Variants in ARL10 observed in about 807,000 individuals in gnomAD.
ARL10 encodes the protein ARF like GTPase 10, also known as ADP-ribosylation factor-like protein 10.
Under a neutral mutation model 26.1 loss-of-function variants are expected in ARL10, and 23 were observed. The ratio of observed to expected loss-of-function variants is 0.88; its 90% CI spans 0.63 to 1.25. The LOEUF (loss-of-function observed/expected upper bound fraction) is 1.25. Ranked by LOEUF, ARL10 falls within the 50% of genes most tolerant of loss-of-function variation. ARL10 has a pLI of 0.00. For missense variants in ARL10, 300 were observed against 323.6 expected (o/e 0.93, Z 0.56); for synonymous variants, 138 against 149.1 (o/e 0.93, Z 0.54).
At chr5:176,366,842 C>T (rs1164957313) in intron 2 of ARL10, among the ~76,000 whole-genome samples, 2 of 152,070 alleles carry the variant, frequency 1.3e-5, no homozygotes, top group Non-Finnish European at 2.9e-5. Context: ...GAGATACTAA[C>T]AGCTAAGGGT....
At chr5:176,382,374 G>A (rs1282764213), downstream of ARL10, among the ~76,000 whole-genome samples, 1 of 152,192 alleles carries the variant, frequency 6.6e-6, no homozygotes. Flanking sequence ...GGAACAGAGT[G>A]AAATGTTTGG....
the ARL10 span, among the ~76,000 whole-genome samples, chr5:176,414,235 G>A: frequency 6.6e-6 from 1 of 152,184 alleles, no homozygotes; most frequent in Non-Finnish European, 1.5e-5. Context: ...TCACAGAGGT[G>A]TGGTCCAGTG....
chr5:176,377,386 CCT>C lies in ARL10; in HGVS notation c.*5494_*5495del, dbSNP rs1358528051. ...CATAGTTTGTCCAATAAAATGAGTT[CCT>C]CTGTCACTGGAGATTTTTCCAGAGA... On this transcript the variant is annotated 3_prime_UTR_variant, in exon 4 of 4. Transcript: ENST00000310389. The surrounding 1 kb of genome is among the most constrained non-coding windows in gnomAD (Gnocchi z 4.5). 2.0e-5 allele frequency: 3 copies of C among 152,298 alleles called. No homozygotes were observed. In the East Asian group the frequency reaches 5.8e-4, roughly 29 times the overall value. The allele number at this position is 152,298 out of a possible 1,614,324, so 9.4% of individuals were successfully genotyped here.
chr5:176,383,803 G>A (rs1231675940), downstream of ARL10: 3 of 622,862 alleles, frequency 4.8e-6, no homozygotes, highest in Non-Finnish European at 5.5e-6. Flanking sequence ...TCGGGATGAG[G>A]CCAGAGGCCG....
downstream of ARL10, chr5:176,386,668 A>G (rs750599831): frequency 1.4e-5 from 10 of 710,824 alleles, no homozygotes; most frequent in African/African-American, 1.7e-5. Flanking sequence ...AGTCAGTACA[A>G]TGAAAAATGA....
At chr5:176,410,732 A>G in the ARL10 span, among the ~76,000 whole-genome samples, 1 of 152,112 alleles carries the variant, frequency 6.6e-6, no homozygotes. Flanking sequence ...CAGGGGCTAC[A>G]CTGGATAAGG....
At chr5:176,403,804 G>C (rs558307762), downstream of ARL10, among the ~76,000 whole-genome samples, 3 of 152,174 alleles carry the variant, frequency 2.0e-5, no homozygotes, top group Admixed American at 1.3e-4. Flanking sequence ...CTGTTGTCCA[G>C]GCTGGAGTAC....
rs1678036694 is a variant in ARL10 at position 176,377,022 on chromosome 5, A to G, written c.*5127A>G. 6.6e-6 allele frequency: 1 copy of G among 152,200 alleles called. No individual in the cohort carries two copies. The highest frequency in any genetic ancestry group is 2.4e-5 in the African/African-American group (1 of 41,438). 9.4% of individuals were successfully genotyped at this position (152,200 alleles called of 1,614,324 possible). A position where few individuals can be genotyped will look rare whatever the true frequency, so the allele number is the denominator to read the frequency against. On this transcript the variant is annotated 3_prime_UTR_variant, in exon 4 of 4. Coordinates refer to ENST00000310389, the MANE Select transcript of ARL10 (RefSeq NM_173664.6). The surrounding 1 kb of genome is among the most constrained non-coding windows in gnomAD (Gnocchi z 4.5). ...ACATAATGCATTACAGCTTTGTAGT[A>G]TTTAGTGGCATCAGCATTTAGGAGA...
chr5:176,387,082 TTTTTTTTC>T, intron 1 of ARL10: 1 of 586,444 alleles, frequency 1.7e-6, no homozygotes, highest in Non-Finnish European at 3.0e-6. Flanking sequence ...CTCTCTCTTT[TTTTTTTTC>T]TTTTTCTTTT....
downstream of ARL10, among the ~76,000 whole-genome samples, chr5:176,390,872 G>A (rs1459016782): frequency 6.6e-6 from 1 of 152,204 alleles, no homozygotes; most frequent in Non-Finnish European, 1.5e-5. Context: ...TGAGGGTTCT[G>A]GAAGAGGAGG....
chr5:176,404,558 T>C (rs930301080), downstream of ARL10, among the ~76,000 whole-genome samples: 3 of 152,200 alleles, frequency 2.0e-5, no homozygotes, highest in African/African-American at 7.2e-5. Context: ...CGCTGCAGCC[T>C]GCAGTCTGGG....
At chr5:176,410,206 T>C in the ARL10 span, 3 of 1,530,490 alleles carry the variant, frequency 2.0e-6, no homozygotes, top group African/African-American at 1.4e-5. Context: ...TTTAGGTTAC[T>C]GAGACCAGGG....
At chr5:176,385,749 G>A (rs541584430), downstream of ARL10, among the ~76,000 whole-genome samples, 18 of 152,270 alleles carry the variant, frequency 1.2e-4, no homozygotes, top group African/African-American at 3.6e-4. Flanking sequence ...GAAATGGGAC[G>A]GTCTAAATAC....
At chr5:176,371,689 C>A in intron 3 of ARL10, 33 bp from the exon 4 acceptor site, 1 of 1,595,748 alleles carries the variant, frequency 6.3e-7, no homozygotes, top group Non-Finnish European at 8.6e-7. Flanking sequence ...GGAAATGCTG[C>A]CAGCTGTGTT....
chr5:176,394,913 C>T (rs768570821), intron 1 of ARL10, among the ~76,000 whole-genome samples: 3 of 152,118 alleles, frequency 2.0e-5, no homozygotes, highest in Admixed American at 6.5e-5. Flanking sequence ...ACAGAAGCAT[C>T]GAGCCCCCTG....
chr5:176,388,638 G>A (rs975946608), exon 2 of ARL10: 12 of 1,358,638 alleles, frequency 8.8e-6, no homozygotes, highest in South Asian at 2.6e-5. Flanking sequence ...GGCTTTGCGG[G>A]CATTTGGGGA....
Position 176,368,885 on chromosome 5 carries a change from C to G in ARL10, c.464C>G (p.Ser155Trp), listed in dbSNP as rs770045755. The change falls in exon 3 of 4, where the codon TCG becomes TGG. Residue 155 changes from serine (S) to tryptophan (W), a missense_variant. Ser to Trp is a radical substitution (Grantham distance 177). Coordinates refer to ENST00000310389, the MANE Select transcript of ARL10 (RefSeq NM_173664.6). This position sits in a 1 kb window ranked among gnomAD's most constrained non-coding sequence, Gnocchi z 4.1. ...EVDVLVFVVD[S>W]ADRLRLPWAR... ...GATGTGCTGGTGTTTGTGGTGGACT[C>G]GGCTGACCGACTGCGGCTGCCCTGG... 1 of 1,614,184 alleles carries G rather than the reference C, an allele frequency of 6.2e-7. No individual in the cohort carries two copies. Among genetic ancestry groups the G allele is most frequent in the Non-Finnish European group, 8.5e-7 (1 of 1,180,024 alleles).
chr5:176,408,008 G>C, the ARL10 span, among the ~76,000 whole-genome samples: 4 of 152,210 alleles, frequency 2.6e-5, no homozygotes, highest in African/African-American at 9.6e-5. Context: ...CAGGATCAAG[G>C]CTCTTTGGCC....
rs553238360 is a variant in ARL10, at chr5:176,373,038, G to A, written c.*1143G>A. ...TACATGGATTCACATGAACTGAAAC[G>A]CCACCACTTGGCCCAGGATGTTGAA... On this transcript the variant is annotated 3_prime_UTR_variant, in exon 4 of 4. Transcript: ENST00000310389. The A allele has an allele frequency of 1.0e-5, 4 of 398,578 alleles. No individual in the cohort carries two copies. The highest frequency in any genetic ancestry group is 8.8e-5 in the Admixed American group (2 of 22,728). 24.7% of individuals were successfully genotyped at this position (398,578 alleles called of 1,614,324 possible).
Sources: gnomAD v4.1 joint callset for allele counts (sites outside exome capture counted in the v4.1 genomes callset) on GRCh38, gnomAD v4.1.1 for gene constraint, Gnocchi (gnomAD v3.1) non-coding constraint, MANE v1.5 for transcripts, NCBI Gene and HGNC (gene_info 2026-07-23, HGNC 2026-07-21) for gene names.